NUP155: variants seen among roughly 807,000 people sequenced by gnomAD.
NUP155 encodes nuclear pore complex protein Nup155.
NUP155 carries 71 observed loss-of-function variants against 180.4 expected under a neutral mutation model. The observed-to-expected ratio is 0.39, with a 90% CI of 0.33 to 0.48. The LOEUF (loss-of-function observed/expected upper bound fraction) is 0.48, where lower values mean the gene tolerates loss of function less well. Ranked by LOEUF, NUP155 falls within the 20% of genes least tolerant of loss-of-function variation. The probability of loss-of-function intolerance (pLI) is 0.91; values close to 1 mark genes in which losing one functional copy is unlikely to be tolerated. For missense variants in NUP155, 1,553 were observed against 1,648.9 expected, an observed-to-expected ratio of 0.94 and a Z score of 1.01; for synonymous variants, 582 against 559.5, an observed-to-expected ratio of 1.04 and a Z score of -0.57.
At position 37,289,917 on chromosome 5, in the gene NUP155, C is replaced by T. The variant is rs1157551601; in HGVS notation, c.*1983G>A. The stretch of plus-strand genomic sequence containing the variant: ...ATTCACTTTACATATTCAAAAAACG[C>T]TAAACTTAAGAAACTGAAAAGTTGA... On this transcript the variant is annotated 3_prime_UTR_variant, in exon 35 of 35. Coordinates refer to ENST00000231498, the MANE Select transcript of NUP155 (RefSeq NM_153485.3). The T allele has an allele frequency of 6.6e-6, 1 of 152,010 alleles. No individual in the cohort carries two copies. Among genetic ancestry groups the T allele is most frequent in the Non-Finnish European group, 1.5e-5 (1 of 68,018 alleles). 9.4% of individuals were successfully genotyped at this position (152,010 alleles called of 1,614,324 possible).
chr5:37,323,915 T>C (rs1366231481), intron 20 of NUP155, 77 bp downstream of exon 20: 1 of 999,960 alleles, frequency 1.0e-6, no homozygotes. Flanking sequence ...AGGACCAACT[T>C]TGTAGTATGT....
intron 12 of NUP155, 34 bp downstream of exon 12, chr5:37,337,784 T>A: frequency 1.6e-6 from 2 of 1,276,630 alleles, no homozygotes; most frequent in Non-Finnish European, 2.3e-6. Flanking sequence ...TAAAATTATA[T>A]AATAGTTTTT....
chr5:37,366,929 C>T (rs368309510), intron 1 of NUP155, among the ~76,000 whole-genome samples: 204 of 151,790 alleles, frequency 1.3e-3, no homozygotes, highest in Non-Finnish European at 1.4e-3. Context: ...GGATTACAGG[C>T]GTGAGCCACC....
At chr5:37,348,375 T>A in intron 9 of NUP155, 130 bp downstream of exon 9, 1 of 708,986 alleles carries the variant, frequency 1.4e-6, no homozygotes. Flanking sequence ...ATGTAGAGTG[T>A]CATCTCTTCA....
At chr5:37,314,051 C>T (rs1054138111) in intron 22 of NUP155, 147 bp downstream of exon 22, 1 of 632,534 alleles carries the variant, frequency 1.6e-6, no homozygotes, top group Non-Finnish European at 2.7e-6. Flanking sequence ...AGTTGGTACG[C>T]TTTTTTTGTG....
In NUP155 at chr5:37,299,525, T is replaced by G; in HGVS notation, c.3605A>C (p.Lys1202Thr). Residue 1202 changes from lysine to threonine, a missense_variant, in exon 31 of 35, where the codon AAA (lysine) becomes ACA (threonine). Physicochemically the swap from Lys to Thr is moderately conservative, Grantham distance 78. Transcript: ENST00000231498. Reference protein sequence around the residue: ...FADPFKLAECKLAIIHCAGYS... With the variant: ...FADPFKLAECTLAIIHCAGYS... Reference sequence around the variant, plus strand: ...ACCGGCACAATGAATTATTGCAAGTTTGCACTCTGCAAGTTTAAATGGGTC... The same window carrying G: ...ACCGGCACAATGAATTATTGCAAGTGTGCACTCTGCAAGTTTAAATGGGTC... 6.2e-7 allele frequency: 1 copy of G among 1,614,076 alleles called. No homozygotes were observed. The highest frequency in any genetic ancestry group is 1.7e-4 in the Middle Eastern group (1 of 6,060).
intron 24 of NUP155, among the ~76,000 whole-genome samples, chr5:37,308,875 C>CAAAAAAAAAAAAAAA (rs59572976): frequency 1.5e-5 from 1 of 68,862 alleles, no homozygotes; most frequent in African/African-American, 6.6e-5. Context: ...GCGAGACTCT[C>CAAAAAAAAAAAAAAA]AAAAAAAAAA....
chr5:37,306,992 A>T (rs1438714832), intron 25 of NUP155, among the ~76,000 whole-genome samples: 1 of 151,428 alleles, frequency 6.6e-6, no homozygotes, highest in Non-Finnish European at 1.5e-5. Context: ...GAGGTTAGGA[A>T]TTCAAGACCA....
chr5:37,295,656 G>A (rs898407268), intron 32 of NUP155, among the ~76,000 whole-genome samples: 12 of 149,262 alleles, frequency 8.0e-5, no homozygotes, highest in African/African-American at 1.7e-4. Context: ...GTCTCTGCCC[G>A]GCCACCCATC....
chr5:37,342,636 G>C lies in NUP155; in HGVS notation c.1006C>G (p.Arg336Gly), dbSNP rs371603849. 1.7e-5 allele frequency: 28 copies of C among 1,602,920 alleles called. No individual in the cohort carries two copies. The highest frequency in any genetic ancestry group is 2.4e-5 in the Non-Finnish European group (28 of 1,170,148). The part of the protein sequence containing the change: ...AAGNIARTID[R>G]SVFKPIVQIA... The stretch of plus-strand genomic sequence containing the variant: ...TGGACAATTGGTTTAAAAACAGAAC[G>C]ATCGATGGTCCTAAAAGAAAGGAGA... Residue 336 changes from arginine (R) to glycine (G), a missense_variant, in exon 10 of 35, where the codon CGT becomes GGT. Coordinates refer to ENST00000231498, the MANE Select transcript of NUP155 (RefSeq NM_153485.3).
At chr5:37,346,429 C>T (rs553767955) in intron 9 of NUP155, among the ~76,000 whole-genome samples, 49 of 151,764 alleles carry the variant, frequency 3.2e-4, no homozygotes, top group Admixed American at 2.0e-3. Context: ...CCCAGCACTT[C>T]GGGAGGCCAA....
At chr5:37,370,568 G>A (rs1747894742) in intron 1 of NUP155, 3 of 1,086,256 alleles carry the variant, frequency 2.8e-6, no homozygotes, top group Non-Finnish European at 3.8e-6. Flanking sequence ...GCTCATTAAG[G>A]TTGAGGTCTT....
intron 33 of NUP155, among the ~76,000 whole-genome samples, chr5:37,294,019 AAAAAAAAAAT>A: frequency 1.3e-5 from 1 of 76,044 alleles, no homozygotes; most frequent in East Asian, 2.6e-4. Context: ...AAAAAAAAAA[AAAAAAAAAAT>A]AAAGCAAATG....
At chr5:37,334,327 T>C (rs1367190038) in intron 12 of NUP155, among the ~76,000 whole-genome samples, 2 of 151,964 alleles carry the variant, frequency 1.3e-5, no homozygotes, top group East Asian at 3.9e-4. Context: ...GTTCTCGAAC[T>C]CCTGGGCTCA....
chr5:37,329,343 T>A, intron 15 of NUP155, 65 bp from the exon 16 acceptor site: 1 of 1,286,196 alleles, frequency 7.8e-7, no homozygotes, highest in Non-Finnish European at 1.1e-6. Context: ...AAAACTGGAA[T>A]TGTTCCTTTT....
chr5:37,295,743 C>G (rs1198414888), intron 32 of NUP155, among the ~76,000 whole-genome samples: 6 of 151,882 alleles, frequency 4.0e-5, no homozygotes, highest in Non-Finnish European at 4.4e-5. Flanking sequence ...GCCACCCCGT[C>G]TGAGAAGTGA....
intron 14 of NUP155, 68 bp from the exon 15 acceptor site, chr5:37,330,200 A>T: frequency 9.4e-7 from 1 of 1,060,896 alleles, no homozygotes; most frequent in Non-Finnish European, 1.4e-6. Flanking sequence ...GTACTGCTAG[A>T]TGCAGTATTA....
At chr5:37,368,402 A>C (rs1353896189) in intron 1 of NUP155, among the ~76,000 whole-genome samples, 1 of 151,296 alleles carries the variant, frequency 6.6e-6, no homozygotes, top group African/African-American at 2.4e-5. Context: ...GTATTATTGT[A>C]TTTCTTTTCT....
chr5:37,317,600 G>A (rs1172447247), intron 21 of NUP155, among the ~76,000 whole-genome samples: 1 of 151,656 alleles, frequency 6.6e-6, no homozygotes, highest in Admixed American at 6.6e-5. Context: ...TCTGGTGGAG[G>A]AAGGAACAAA....
Sources: gnomAD v4.1 joint callset for allele counts (sites outside exome capture counted in the v4.1 genomes callset) on GRCh38, gnomAD v4.1.1 for gene constraint, MANE v1.5 for transcripts, NCBI Gene and HGNC (gene_info 2026-07-23, HGNC 2026-07-21) for gene names.